ACTR3C: variants seen among roughly 807,000 people sequenced by gnomAD.
ACTR3C encodes the protein actin-related protein 3C.
ACTR3C carries 18 observed loss-of-function variants against 26.3 expected under a neutral mutation model. That is an observed-to-expected ratio of 0.68 (90% CI 0.47 to 1.01). The LOEUF (loss-of-function observed/expected upper bound fraction) is 1.01, where lower values mean the gene tolerates loss of function less well. Ranked by LOEUF, ACTR3C falls within the 50% of genes least tolerant of loss-of-function variation. ACTR3C has a pLI of 0.00. For missense variants in ACTR3C, 184 were observed against 250.7 expected, an observed-to-expected ratio of 0.73 and a Z score of 1.80; for synonymous variants, 55 against 94.5, an observed-to-expected ratio of 0.58 and a Z score of 2.42.
the ACTR3C span, among the ~76,000 whole-genome samples, chr7:150,207,230 A>G: frequency 6.6e-6 from 1 of 151,776 alleles, no homozygotes; most frequent in Admixed American, 6.6e-5. Context: ...TTCCTACCTA[A>G]ACCACACTGA....
At chr7:150,001,835 G>A in the ACTR3C span, 1 of 151,672 alleles carries the variant, frequency 6.6e-6, no homozygotes, top group Non-Finnish European at 1.5e-5. Flanking sequence ...AAAGGAGATG[G>A]CCAGGAAGTC....
chr7:150,230,723 C>T, the ACTR3C span, among the ~76,000 whole-genome samples: 1 of 152,166 alleles, frequency 6.6e-6, no homozygotes, highest in African/African-American at 2.4e-5. Flanking sequence ...TCCCTAGTGT[C>T]AAAAATGCTG....
the ACTR3C span, among the ~76,000 whole-genome samples, chr7:150,157,239 T>A: frequency 6.6e-6 from 1 of 152,204 alleles, no homozygotes; most frequent in East Asian, 1.9e-4. Flanking sequence ...TCTTCAGGAC[T>A]CTGCCTGGAT....
At chr7:149,964,221 T>C in the ACTR3C span, among the ~76,000 whole-genome samples, 87 of 152,278 alleles carry the variant, frequency 5.7e-4, no homozygotes, top group Non-Finnish European at 3.2e-4. Flanking sequence ...AGCCAGATAG[T>C]CAGGGCCACC....
the ACTR3C span, among the ~76,000 whole-genome samples, chr7:149,895,671 A>G: frequency 6.6e-6 from 1 of 151,986 alleles, no homozygotes; most frequent in African/African-American, 2.4e-5. Context: ...CCCATCTCTA[A>G]AAAAGCTAAA....
chr7:150,122,351 G>A, the ACTR3C span, among the ~76,000 whole-genome samples: 13 of 152,154 alleles, frequency 8.5e-5, 1 homozygote, highest in Middle Eastern at 0.014. Flanking sequence ...ATCTGACAAA[G>A]GGCTAATATC....
At chr7:149,969,484 T>C in the ACTR3C span, among the ~76,000 whole-genome samples, 3 of 152,134 alleles carry the variant, frequency 2.0e-5, no homozygotes, top group African/African-American at 7.2e-5. Flanking sequence ...GGGCCGTGCA[T>C]GAGCGGAAGT....
chr7:150,275,484 G>A (rs1411218829), intron 6 of ACTR3C, among the ~76,000 whole-genome samples: 2 of 152,232 alleles, frequency 1.3e-5, no homozygotes, highest in Non-Finnish European at 2.9e-5. Flanking sequence ...GCCGAGGCAG[G>A]CAGATCACCT....
intron 6 of ACTR3C, among the ~76,000 whole-genome samples, chr7:150,279,694 C>G (rs1217516980): frequency 7.2e-5 from 11 of 152,148 alleles, no homozygotes; most frequent in Non-Finnish European, 1.5e-5. Context: ...GTCCACCCAC[C>G]CCCAGCTCTG....
At chr7:149,980,795 T>C in the ACTR3C span, among the ~76,000 whole-genome samples, 1 of 152,254 alleles carries the variant, frequency 6.6e-6, no homozygotes, top group Non-Finnish European at 1.5e-5. Context: ...ACCTTGTGAC[T>C]ACTGAATGTT....
the ACTR3C span, among the ~76,000 whole-genome samples, chr7:150,050,188 T>A: frequency 6.6e-6 from 1 of 152,190 alleles, no homozygotes; most frequent in African/African-American, 2.4e-5. Flanking sequence ...TCACTAAATA[T>A]AGATGCAGTT....
the ACTR3C span, among the ~76,000 whole-genome samples, chr7:150,011,702 G>A: frequency 6.6e-6 from 1 of 152,080 alleles, no homozygotes; most frequent in Non-Finnish European, 1.5e-5. Flanking sequence ...TAATTTCAGG[G>A]TCAGTTTCTC....
At chr7:150,205,437 T>C in the ACTR3C span, among the ~76,000 whole-genome samples, 5 of 152,234 alleles carry the variant, frequency 3.3e-5, no homozygotes, top group South Asian at 2.1e-4. Context: ...TGAGACCCGT[T>C]GGGCAGTCTG....
At chr7:150,271,181 A>G (rs1354505951) in intron 6 of ACTR3C, among the ~76,000 whole-genome samples, 5 of 136,978 alleles carry the variant, frequency 3.7e-5, no homozygotes, top group Non-Finnish European at 4.5e-5. Context: ...TGGAGGAAGC[A>G]TTACTACTTT....
At chr7:149,921,817 C>T in the ACTR3C span, among the ~76,000 whole-genome samples, 1 of 151,896 alleles carries the variant, frequency 6.6e-6, no homozygotes, top group Non-Finnish European at 1.5e-5. Context: ...GCAGAGGTTG[C>T]AGTAAGCCGA....
chr7:150,014,568 A>G, the ACTR3C span, among the ~76,000 whole-genome samples: 1 of 152,160 alleles, frequency 6.6e-6, no homozygotes, highest in East Asian at 1.9e-4. Flanking sequence ...GACTTTCATT[A>G]AGGGAGTTCT....
the ACTR3C span, among the ~76,000 whole-genome samples, chr7:149,912,458 A>C: frequency 6.6e-6 from 1 of 151,084 alleles, no homozygotes; most frequent in Non-Finnish European, 1.5e-5. Flanking sequence ...ACATTAAGCC[A>C]ACAATGATTT....
the ACTR3C span, among the ~76,000 whole-genome samples, chr7:149,900,001 G>T: frequency 7.1e-6 from 1 of 140,696 alleles, no homozygotes; most frequent in Non-Finnish European, 1.5e-5. Context: ...TGTGCTGAAA[G>T]AACTGTCCAT....
At chr7:149,917,201 G>A in the ACTR3C span, among the ~76,000 whole-genome samples, 6 of 152,042 alleles carry the variant, frequency 3.9e-5, no homozygotes, top group Admixed American at 2.6e-4. Context: ...TCAGCCTCCC[G>A]AGTAGCTGGG....
Sources: gnomAD v4.1 joint callset for allele counts (sites outside exome capture counted in the v4.1 genomes callset) on GRCh38, gnomAD v4.1.1 for gene constraint, MANE v1.5 for transcripts, NCBI Gene and HGNC (gene_info 2026-07-23, HGNC 2026-07-21) for gene names.